The following CNTN5 variants were observed in gnomAD, a reference collection of about 807,000 sequenced individuals.
CNTN5 encodes the protein contactin 5, also known as contactin-5.
A neutral mutation model predicts 129.1 loss-of-function variants in CNTN5; 77 were observed. The ratio of observed to expected loss-of-function variants is 0.60; its 90% CI spans 0.50 to 0.72. The LOEUF (loss-of-function observed/expected upper bound fraction) is 0.72. Ranked by LOEUF, CNTN5 falls within the 30% of genes least tolerant of loss-of-function variation. The pLI is 0.00. For synonymous variants in CNTN5, 509 were observed against 465.6 expected (o/e 1.09, Z -1.20); for missense variants, 1,478 against 1,328.8 (o/e 1.11, Z -1.75).
chr11:100,297,266 C>A (rs749262857), intron 18 of CNTN5, among the ~76,000 whole-genome samples: 5 of 151,224 alleles, frequency 3.3e-5, no homozygotes, highest in Non-Finnish European at 7.4e-5. Flanking sequence ...GCTCTGCAAG[C>A]CCCGGGATAA....
chr11:100,161,873 A>ACACACAC (rs1555025938), intron 13 of CNTN5, among the ~76,000 whole-genome samples: 135 of 120,256 alleles, frequency 1.1e-3, no homozygotes, highest in African/African-American at 3.6e-3. Context: ...ACACACACAC[A>ACACACAC]AAACAAAAAA....
intron 13 of CNTN5, among the ~76,000 whole-genome samples, chr11:100,096,959 T>G (rs1945031083): frequency 6.6e-6 from 1 of 152,274 alleles, no homozygotes; most frequent in East Asian, 1.9e-4. Context: ...GCTGCCTGTT[T>G]GGCAGAGAAA....
At chr11:99,907,162 A>T (rs1282541833) in intron 6 of CNTN5, among the ~76,000 whole-genome samples, 2 of 151,970 alleles carry the variant, frequency 1.3e-5, no homozygotes, top group African/African-American at 4.8e-5. Context: ...GTCTTCTGCT[A>T]GCTTTTGAAT....
chr11:99,803,773 T>G (rs2135489654), intron 3 of CNTN5, among the ~76,000 whole-genome samples: 1 of 152,324 alleles, frequency 6.6e-6, no homozygotes, highest in Non-Finnish European at 1.5e-5. Context: ...TCTCATGTGC[T>G]GGGGTTTCAC....
chr11:100,035,541 G>A lies in CNTN5; in HGVS notation c.981-25671G>A, dbSNP rs577113226. Among the ~76,000 whole-genome samples the A allele has an allele frequency of 1.7e-4, 24 of 145,342 alleles. No individual in the cohort carries two copies. In the East Asian group the frequency reaches 2.0e-3, roughly 12 times the overall value. The stretch of plus-strand genomic sequence containing the variant: ...TCTAGTTCTGGATCCCTGAGGAATC[G>A]CCACACTGACTTCCACAATGGTTGA... On this transcript the variant is annotated intron_variant, in intron 9 of 24. Transcript: ENST00000524871.
chr11:100,221,530 T>G (rs1283948072), intron 15 of CNTN5, among the ~76,000 whole-genome samples: 2 of 152,210 alleles, frequency 1.3e-5, no homozygotes, highest in African/African-American at 4.8e-5. Context: ...CAGTCATTAG[T>G]AAATGTCACA....
chr11:100,090,535 C>CCTTCCTTCCTTCCTTCCTTCCTTCT (rs1944734839), intron 13 of CNTN5, among the ~76,000 whole-genome samples: 3 of 83,058 alleles, frequency 3.6e-5, no homozygotes, highest in African/African-American at 1.8e-4. Context: ...CCCTTCCTTC[C>CCTTCCTTCCTTCCTTCCTTCCTTCT]TTCCTTCCTT....
At chr11:100,165,560 C>T (rs1947602931) in intron 13 of CNTN5, among the ~76,000 whole-genome samples, 1 of 151,628 alleles carries the variant, frequency 6.6e-6, no homozygotes, top group Admixed American at 6.6e-5. Flanking sequence ...AAGAAAGTTC[C>T]AATAAAGCTC....
chr11:100,142,207 G>C (rs1833492), intron 13 of CNTN5, among the ~76,000 whole-genome samples: 137,434 of 152,194 alleles, frequency 0.9, 62,254 homozygotes, highest in East Asian at 0.99. Flanking sequence ...TCACTACCAG[G>C]ATTTCTGGGT....
At chr11:99,941,571 A>ACACACACACACACACACACACAC (rs140118352) in intron 7 of CNTN5, among the ~76,000 whole-genome samples, 119 of 148,364 alleles carry the variant, frequency 8.0e-4, no homozygotes, top group South Asian at 2.4e-3. Context: ...ACATAAGACA[A>ACACACACACACACACACACACAC]ACACACACAC....
intron 2 of CNTN5, among the ~76,000 whole-genome samples, chr11:99,375,484 T>C (rs1419353930): frequency 6.6e-6 from 1 of 152,010 alleles, no homozygotes; most frequent in Non-Finnish European, 1.5e-5. Context: ...GAATGAAGCT[T>C]AATGAGATGG....
At chr11:99,959,133 G>A (rs7120973) in intron 8 of CNTN5, among the ~76,000 whole-genome samples, 104,851 of 151,954 alleles carry the variant, frequency 0.69, 36,404 homozygotes, top group East Asian at 0.76. Flanking sequence ...CCCAACTCCA[G>A]TGAACTCAAT....
chr11:99,668,131 T>C (rs1362302429), intron 3 of CNTN5, among the ~76,000 whole-genome samples: 4 of 152,132 alleles, frequency 2.6e-5, no homozygotes, highest in African/African-American at 9.7e-5. Flanking sequence ...TTGTCATTTC[T>C]AGTTGAATGT....
chr11:99,581,640 G>C (rs964154288), intron 3 of CNTN5, among the ~76,000 whole-genome samples: 47 of 152,252 alleles, frequency 3.1e-4, no homozygotes, highest in African/African-American at 1.1e-3. Flanking sequence ...TTTTATCCGA[G>C]ACTAGGATTG....
intron 1 of CNTN5, among the ~76,000 whole-genome samples, chr11:99,093,576 T>G (rs1866344064): frequency 6.6e-6 from 1 of 151,918 alleles, no homozygotes; most frequent in African/African-American, 2.4e-5. Context: ...CCAGCTAAAT[T>G]TACAATGCAG....
At chr11:100,295,776 T>A (rs919682391) in intron 18 of CNTN5, among the ~76,000 whole-genome samples, 1 of 151,364 alleles carries the variant, frequency 6.6e-6, no homozygotes, top group South Asian at 2.1e-4. Flanking sequence ...AATGATGTCC[T>A]CAAAGAAGAG....
chr11:100,227,236 A>G (rs1939702), intron 16 of CNTN5, among the ~76,000 whole-genome samples: 124,477 of 152,030 alleles, frequency 0.82, 51,087 homozygotes, highest in East Asian at 0.9. Flanking sequence ...ATGGACGGGA[A>G]CAACTTTTTT....
intron 13 of CNTN5, among the ~76,000 whole-genome samples, chr11:100,107,782 T>A (rs1945499890): frequency 6.6e-6 from 1 of 152,048 alleles, no homozygotes; most frequent in Non-Finnish European, 1.5e-5. Context: ...AAATTCTTAT[T>A]TTCAAAGACC....
intron 1 of CNTN5, among the ~76,000 whole-genome samples, chr11:99,264,392 A>G (rs34640323): frequency 6.6e-6 from 1 of 152,078 alleles, no homozygotes; most frequent in Non-Finnish European, 1.5e-5. Flanking sequence ...CATCTATCAT[A>G]TATAAACCTA....
Sources: allele counts gnomAD v4.1 joint callset (sites outside exome capture counted in the v4.1 genomes callset), GRCh38; gene constraint gnomAD v4.1.1; transcripts MANE v1.5; gene names NCBI Gene and HGNC (gene_info 2026-07-23, HGNC 2026-07-21).